Variants in OSMR observed in about 807,000 individuals in gnomAD.
OSMR encodes oncostatin M receptor, also known as oncostatin-M-specific receptor subunit beta.
OSMR carries 81 observed loss-of-function variants against 99.9 expected under a neutral mutation model. The observed-to-expected ratio is 0.81, with a 90% CI of 0.68 to 0.97. OSMR has a LOEUF of 0.97. Among genes scored for constraint, OSMR ranks in the 50% least tolerant of loss-of-function variants. The probability of loss-of-function intolerance (pLI) is 0.00; values close to 1 mark genes in which losing one functional copy is unlikely to be tolerated. For synonymous variants in OSMR, 406 were observed against 410.4 expected (o/e 0.99, Z 0.13); for missense variants, 1,099 against 1,153.4 (o/e 0.95, Z 0.68).
chr5:38,922,692 T>C (rs1746290383), intron 12 of OSMR, among the ~76,000 whole-genome samples: 2 of 152,116 alleles, frequency 1.3e-5, no homozygotes, highest in African/African-American at 4.8e-5. Context: ...CAAGGCTTCA[T>C]GGAAGGAGGG....
chr5:38,899,826 G>A (rs767315440), intron 7 of OSMR, among the ~76,000 whole-genome samples: 3 of 152,138 alleles, frequency 2.0e-5, no homozygotes, highest in East Asian at 1.9e-4. Flanking sequence ...TTCTCCTCAC[G>A]CAGAAGGAAA....
At chr5:38,878,201 T>G (rs1394980036) in intron 3 of OSMR, among the ~76,000 whole-genome samples, 1 of 152,178 alleles carries the variant, frequency 6.6e-6, no homozygotes, top group Non-Finnish European at 1.5e-5. Context: ...TGAGAAATGC[T>G]TGTCTGAATC....
rs2292017 is a variant in OSMR at position 38,846,037 on chromosome 5, C to T, written c.-364C>T. 6,262 of 152,526 alleles carry T rather than the reference C, an allele frequency of 0.041. 246 individuals carry two copies. Among genetic ancestry groups the T allele is most frequent in the East Asian group, 0.1 (516 of 5,136 alleles). 9.4% of individuals were successfully genotyped at this position (152,526 alleles called of 1,614,324 possible). ...AGCTGATTCATAGCCCCGGCCCGGGCCGCCTCTGCACGTCCGCCCCGGAGC... is the reference window on the plus strand; with the variant it reads ...AGCTGATTCATAGCCCCGGCCCGGGTCGCCTCTGCACGTCCGCCCCGGAGC... On this transcript the variant is annotated 5_prime_UTR_variant, in exon 1 of 18. Coordinates refer to ENST00000274276, the MANE Select transcript of OSMR (RefSeq NM_003999.3).
At chr5:38,922,147 A>G (rs188254837) in intron 12 of OSMR, among the ~76,000 whole-genome samples, 3 of 152,360 alleles carry the variant, frequency 2.0e-5, no homozygotes, top group African/African-American at 7.2e-5. Context: ...TTTAGGACAT[A>G]TAGTTGATGA....
chr5:38,846,795 G>A (rs1739868147), intron 1 of OSMR, among the ~76,000 whole-genome samples: 1 of 152,166 alleles, frequency 6.6e-6, no homozygotes, highest in African/African-American at 2.4e-5. Flanking sequence ...CTACATTCTG[G>A]AAACCTAGGC....
chr5:38,885,547 T>C, intron 6 of OSMR, 63 bp downstream of exon 6: 1 of 1,596,452 alleles, frequency 6.3e-7, no homozygotes, highest in Non-Finnish European at 8.6e-7. Context: ...TGTGACAACA[T>C]GGCAAAAATC....
At position 38,942,707 on chromosome 5, in the gene OSMR, T is replaced by A. The variant is rs746910089; in HGVS notation, c.75-1494T>A. Reference sequence around the variant, plus strand: ...CTGGGCTCAAGCAATTCTCCCGCGCTGACCCCACAAAGTGCTGGGATTGTA... The same window carrying A: ...CTGGGCTCAAGCAATTCTCCCGCGCAGACCCCACAAAGTGCTGGGATTGTA... On this transcript the variant is annotated intron_variant and NMD_transcript_variant, in intron 1 of 2. Coordinates refer to the OSMR transcript ENST00000508882. 2.8e-5 allele frequency: 21 copies of A among 737,972 alleles called. No individual in the cohort carries two copies. In the South Asian group the frequency reaches 3.3e-4, roughly 12 times the overall value. The allele number at this position is 737,972 out of a possible 1,614,324, so 45.7% of individuals were successfully genotyped here.
At chr5:38,930,207 C>A (rs1746658112) in intron 15 of OSMR, among the ~76,000 whole-genome samples, 1 of 152,152 alleles carries the variant, frequency 6.6e-6, no homozygotes, top group Non-Finnish European at 1.5e-5. Context: ...TGGTTTACAT[C>A]ATCAAAAGTA....
intron 1 of OSMR, among the ~76,000 whole-genome samples, chr5:38,866,041 C>T (rs1014626057): frequency 6.6e-6 from 1 of 152,150 alleles, no homozygotes; most frequent in African/African-American, 2.4e-5. Flanking sequence ...AATCACCAGG[C>T]TCCTGGATGA....
chr5:38,885,009 C>T (rs952116801), intron 5 of OSMR, among the ~76,000 whole-genome samples: 3 of 152,138 alleles, frequency 2.0e-5, no homozygotes, highest in Admixed American at 2.0e-4. Context: ...TCCTTGCATC[C>T]CCGAAGCATT....
downstream of OSMR, chr5:38,945,439 G>A (rs189631641): frequency 3.7e-4 from 461 of 1,243,384 alleles, 3 homozygotes; most frequent in Middle Eastern, 3.7e-3. Flanking sequence ...AAGTAAACCA[G>A]AGAACTTTAG....
chr5:38,915,765 T>C (rs1273679149), intron 9 of OSMR, among the ~76,000 whole-genome samples: 1 of 152,232 alleles, frequency 6.6e-6, no homozygotes, highest in Non-Finnish European at 1.5e-5. Flanking sequence ...AGACATGCTA[T>C]AGTTGTATTT....
chr5:38,855,866 A>G (rs1181114602), intron 1 of OSMR, among the ~76,000 whole-genome samples: 1 of 152,088 alleles, frequency 6.6e-6, no homozygotes, highest in African/African-American at 2.4e-5. Context: ...TCTGGCCCAG[A>G]GCAGAAGCCC....
rs771252419 is a variant in OSMR at position 38,921,628 on chromosome 5, A to G, written c.1599A>G (p.Glu533=). Residue 533 remains glutamate (E), a synonymous_variant, in exon 12 of 18, where the codon GAA becomes GAG. Transcript: ENST00000274276. The part of the protein sequence containing the change: ...SADPENKEVE[E]ERIAGTEGGF... Reference sequence around the variant, plus strand: ...GTTTATATACAGAAGAGGTTGAGGAAGAAAGAATTGCAGGCACAGAGGGTG... The same window carrying G: ...GTTTATATACAGAAGAGGTTGAGGAGGAAAGAATTGCAGGCACAGAGGGTG... 6 of 1,614,080 alleles carry G rather than the reference A, an allele frequency of 3.7e-6. No individual in the cohort carries two copies. The Admixed American group carries it at 1.0e-4, about 27-fold the overall frequency.
chr5:38,901,538 T>C (rs978297685), intron 7 of OSMR, among the ~76,000 whole-genome samples: 1 of 152,210 alleles, frequency 6.6e-6, no homozygotes, highest in Non-Finnish European at 1.5e-5. Context: ...GGCCATAAGA[T>C]GCTCAGTGTC....
chr5:38,917,360 C>G, intron 9 of OSMR, 186 bp from the exon 10 acceptor site: 1 of 936,534 alleles, frequency 1.1e-6, no homozygotes, highest in Non-Finnish European at 1.3e-6. Context: ...GTACTGTGTG[C>G]ACCTAGTGAG....
intron 3 of OSMR, among the ~76,000 whole-genome samples, chr5:38,881,180 T>A (rs35932943): frequency 0.68 from 102,832 of 151,504 alleles, 35,591 homozygotes; most frequent in Middle Eastern, 0.8. Flanking sequence ...GAATATTTTT[T>A]AAAAACAAAC....
intron 7 of OSMR, among the ~76,000 whole-genome samples, chr5:38,903,470 C>T (rs1049853399): frequency 6.6e-6 from 1 of 152,180 alleles, no homozygotes; most frequent in African/African-American, 2.4e-5. Context: ...CTGGCCAATC[C>T]CCCTCTCATC....
intron 15 of OSMR, among the ~76,000 whole-genome samples, chr5:38,925,946 G>A (rs1293982364): frequency 6.6e-6 from 1 of 152,170 alleles, no homozygotes; most frequent in African/African-American, 2.4e-5. Flanking sequence ...GTTGGGAAAT[G>A]GTGAGGTGGA....
Sources: gnomAD v4.1 joint callset for allele counts (sites outside exome capture counted in the v4.1 genomes callset) on GRCh38, gnomAD v4.1.1 for gene constraint, MANE v1.5 for transcripts, NCBI Gene and HGNC (gene_info 2026-07-23, HGNC 2026-07-21) for gene names.